The following SI variants were observed in gnomAD, a reference collection of about 807,000 sequenced individuals.
SI encodes sucrase-isomaltase.
A neutral mutation model predicts 253.3 loss-of-function variants in SI; 235 were observed. The ratio of observed to expected loss-of-function variants is 0.93; its 90% confidence interval spans 0.83 to 1.03. SI has a LOEUF of 1.03. SI is among the 50% of genes least tolerant of loss of function. SI has a pLI of 0.00. For synonymous variants in SI, 819 were observed against 712.0 expected (o/e 1.15, Z -2.39); for missense variants, 2,442 against 2,211.1 (o/e 1.10, Z -2.09).
At chr3:165,065,494 T>TATATA (rs10530690) in intron 6 of SI, 62 bp from the exon 7 acceptor site, 72 of 268,660 alleles carry the variant, frequency 2.7e-4, no homozygotes, top group Middle Eastern at 1.4e-3. Context: ...TATATATATA[T>TATATA]GATATTCTAC....
intron 24 of SI, among the ~76,000 whole-genome samples, chr3:165,032,086 C>G (rs1712275728): frequency 6.6e-6 from 1 of 151,078 alleles, no homozygotes; most frequent in Non-Finnish European, 1.5e-5. Context: ...ATTTTGAGGA[C>G]AATGAGACCT....
intron 1 of SI, among the ~76,000 whole-genome samples, chr3:165,076,372 G>A (rs1341116746): frequency 1.3e-5 from 2 of 151,106 alleles, no homozygotes; most frequent in Non-Finnish European, 1.5e-5. Flanking sequence ...GCAAGGCAAA[G>A]GCTTCCACTT....
At chr3:165,085,236 T>C in the SI span, among the ~76,000 whole-genome samples, 2 of 152,080 alleles carry the variant, frequency 1.3e-5, no homozygotes, top group African/African-American at 4.8e-5. Flanking sequence ...TAAAACCTAA[T>C]TGGAATAATA....
chr3:165,032,826 C>T, intron 23 of SI, 134 bp from the exon 24 acceptor site: 1 of 586,700 alleles, frequency 1.7e-6, no homozygotes, highest in Non-Finnish European at 3.0e-6. Flanking sequence ...ATCCAAGTAG[C>T]ACATAGAAAT....
intron 1 of SI, among the ~76,000 whole-genome samples, chr3:165,077,455 A>G (rs1459359231): frequency 6.6e-6 from 1 of 151,762 alleles, no homozygotes; most frequent in Non-Finnish European, 1.5e-5. Flanking sequence ...TAAGTAAGCA[A>G]AAACTTAATT....
rs1714391207 is a variant in SI at position 165,068,771 on chromosome 3, C to CT, written c.433dup (p.Ser145LysfsTer20). 1 of 1,613,818 alleles carries CT rather than the reference C, an allele frequency of 6.2e-7. No individual in the cohort carries two copies. The highest frequency in any genetic ancestry group is 8.5e-7 in the Non-Finnish European group (1 of 1,179,882). ...CTGATTTTGAGTTGTGAAGAGAACA[C>CT]TGTTGATGTCATTTCCAAATAGTGT... On this transcript the variant is annotated frameshift_variant, in exon 5 of 48. Transcript: ENST00000264382. LOFTEE classifies it high-confidence loss of function.
In SI at chr3:164,987,077, G is replaced by A. The variant is rs6799775; in HGVS notation, c.5197+61C>T. 13,133 of 1,258,116 alleles carry A rather than the reference G, an allele frequency of 0.01. 984 individuals are homozygous for A. In the African/African-American group the frequency reaches 0.17, roughly 16 times the overall value. The allele number at this position is 1,258,116 out of a possible 1,614,324, so 77.9% of individuals were successfully genotyped here. The stretch of plus-strand genomic sequence containing the variant: ...CTTCCAAAGAACAATAATAGATAAC[G>A]TAAAAGTAATGTGATAGAATACGAC... On this transcript the variant is annotated intron_variant, in intron 45 of 47. Transcript: ENST00000264382.
chr3:165,088,032 A>G, the SI span, among the ~76,000 whole-genome samples: 1 of 152,184 alleles, frequency 6.6e-6, no homozygotes, highest in Non-Finnish European at 1.5e-5. Context: ...TAAAAAATTC[A>G]TATGTATGTA....
chr3:165,049,360 T>C (rs9290253), intron 14 of SI, 116 bp from the exon 15 acceptor site: 434,052 of 711,434 alleles, frequency 0.61, 134,381 homozygotes, highest in East Asian at 0.83. Context: ...CATATTTGGT[T>C]AAAAACAATG....
At chr3:165,050,000 A>G in intron 13 of SI, 125 bp from the exon 14 acceptor site, 1 of 673,968 alleles carries the variant, frequency 1.5e-6, no homozygotes, top group Non-Finnish European at 2.7e-6. Context: ...TTCCTAGAAG[A>G]TAAATATAAG....
At chr3:164,982,789 C>G (rs1373276782) in intron 46 of SI, among the ~76,000 whole-genome samples, 3 of 152,038 alleles carry the variant, frequency 2.0e-5, no homozygotes, top group African/African-American at 7.2e-5. Context: ...TCCTATGCAG[C>G]TGGGACTACA....
At position 164,983,037 on chromosome 3, in the gene SI, C is replaced by A. The variant is rs774160456; in HGVS notation, c.5212G>T (p.Asp1738Tyr). The change falls in exon 46 of 48, where the codon GAC becomes TAC. Residue 1738 changes from aspartate (D) to tyrosine (Y), a missense_variant. Physicochemically the swap from Asp to Tyr is radical, Grantham distance 160 (BLOSUM62 -3). Coordinates refer to ENST00000264382, the MANE Select transcript of SI (RefSeq NM_001041.4). Reference protein sequence around the residue: ...DGESIDTYERDLYLSVQFNLN... With the variant: ...DGESIDTYERYLYLSVQFNLN... ...TTAAATTGTACAGATAAATATAGGT[C>A]TCTTTCATAGGTGTCTGTAGAGAGA... The A allele has an allele frequency of 9.1e-6, 14 of 1,545,744 alleles. No individual in the cohort carries two copies. Among genetic ancestry groups the A allele is most frequent in the Non-Finnish European group, 1.2e-5 (13 of 1,126,482 alleles).
chr3:165,025,753 A>G (rs550316970), intron 25 of SI, among the ~76,000 whole-genome samples: 1 of 151,560 alleles, frequency 6.6e-6, no homozygotes, highest in African/African-American at 2.4e-5. Flanking sequence ...TCATAAATGA[A>G]GGAAAGATAT....
intron 7 of SI, 42 bp downstream of exon 7, chr3:165,065,218 CA>C (rs772778088): frequency 5.7e-6 from 7 of 1,221,060 alleles, no homozygotes; most frequent in Non-Finnish European, 8.4e-6. Flanking sequence ...TCATCTGCTG[CA>C]ATATAGTGAT....
At chr3:165,036,241 G>A in intron 22 of SI, 148 bp downstream of exon 22, 1 of 614,480 alleles carries the variant, frequency 1.6e-6, no homozygotes, top group Non-Finnish European at 2.9e-6. Context: ...AAGTTTTAAA[G>A]TAGCCTAAAA....
rs181862908 is a variant in SI at position 164,979,344 on chromosome 3, T to C, written c.*18A>G. 150 of 1,513,214 alleles carry C rather than the reference T, an allele frequency of 9.9e-5. 1 individual carries two copies. The African/African-American group carries it at 1.8e-3, about 18-fold the overall frequency. The allele number at this position is 1,513,214 out of a possible 1,614,324, so 93.7% of individuals were successfully genotyped here. On this transcript the variant is annotated 3_prime_UTR_variant, in exon 48 of 48. Coordinates refer to ENST00000264382, the MANE Select transcript of SI (RefSeq NM_001041.4). ...CCTGGTGTTTTTTCCCATTGACAAC[T>C]AAAATTGATGGTGATCTTCATGACC...
intron 47 of SI, 68 bp from the exon 48 acceptor site, chr3:164,979,498 T>A: frequency 1.1e-6 from 1 of 913,086 alleles, no homozygotes; most frequent in Non-Finnish European, 1.8e-6. Context: ...ATGAATGCTA[T>A]TTCAAAAAAG....
chr3:165,025,987 TA>T (rs1167742687), intron 25 of SI, among the ~76,000 whole-genome samples: 3 of 151,324 alleles, frequency 2.0e-5, no homozygotes, highest in Non-Finnish European at 4.4e-5. Flanking sequence ...CACATCTCAA[TA>T]CTGACATTGA....
At chr3:165,003,099 C>T (rs984876566) in intron 37 of SI, among the ~76,000 whole-genome samples, 9 of 151,818 alleles carry the variant, frequency 5.9e-5, no homozygotes, top group African/African-American at 2.2e-4. Context: ...ATCAAAACAA[C>T]TTTGATACCT....
Sources: allele counts gnomAD v4.1 joint callset (sites outside exome capture counted in the v4.1 genomes callset), GRCh38; gene constraint gnomAD v4.1.1; transcripts MANE v1.5; gene names NCBI Gene and HGNC (gene_info 2026-07-23, HGNC 2026-07-21).